Variants in HS6ST3 observed in about 807,000 individuals in gnomAD.
HS6ST3 encodes the protein heparan-sulfate 6-O-sulfotransferase 3.
In HS6ST3, 12 loss-of-function variants were observed where a neutral mutation model predicts 36.7. That is an observed-to-expected ratio of 0.33 (90% CI 0.21 to 0.53). HS6ST3 has a LOEUF of 0.53. HS6ST3 is among the 20% of genes least tolerant of loss of function. The probability of loss-of-function intolerance (pLI) is 0.95; values close to 1 mark genes in which losing one functional copy is unlikely to be tolerated. For missense variants in HS6ST3, 584 were observed against 640.9 expected, an observed-to-expected ratio of 0.91 and a Z score of 0.96; for synonymous variants, 240 against 257.5, an observed-to-expected ratio of 0.93 and a Z score of 0.65.
At chr13:96,198,791 T>C (rs896883823) in intron 1 of HS6ST3, among the ~76,000 whole-genome samples, 2 of 152,186 alleles carry the variant, frequency 1.3e-5, no homozygotes, top group Non-Finnish European at 2.9e-5. Flanking sequence ...TTCCCACATT[T>C]TTGTATCTCC....
intron 1 of HS6ST3, among the ~76,000 whole-genome samples, chr13:96,602,470 T>C (rs1471238205): frequency 1.3e-5 from 2 of 152,184 alleles, no homozygotes; most frequent in East Asian, 3.9e-4. Context: ...ACACCAGACG[T>C]CTGAGGCCTT....
At chr13:96,554,706 C>T (rs1411686694) in intron 1 of HS6ST3, among the ~76,000 whole-genome samples, 1 of 152,062 alleles carries the variant, frequency 6.6e-6, no homozygotes, top group Non-Finnish European at 1.5e-5. Context: ...ATAGTGCAGT[C>T]TCCTTTTGGT....
intron 1 of HS6ST3, among the ~76,000 whole-genome samples, chr13:96,822,313 G>A (rs191080852): frequency 2.0e-5 from 3 of 152,282 alleles, no homozygotes; most frequent in East Asian, 1.9e-4. Flanking sequence ...AAAGCAGGGC[G>A]CCTCTGAACC....
intron 1 of HS6ST3, among the ~76,000 whole-genome samples, chr13:96,599,986 T>C (rs990751479): frequency 2.6e-5 from 4 of 152,136 alleles, no homozygotes; most frequent in Non-Finnish European, 5.9e-5. Flanking sequence ...GCCAGTGTTG[T>C]CTGAGAAGAT....
chr13:96,308,877 T>C (rs755761213), intron 1 of HS6ST3, among the ~76,000 whole-genome samples: 10 of 152,120 alleles, frequency 6.6e-5, no homozygotes, highest in Non-Finnish European at 1.0e-4. Flanking sequence ...ACATGTTGAC[T>C]GAAGAGAGTT....
rs1878936825 is a variant in HS6ST3 at position 96,836,790 on chromosome 13, G to A, written c.*3592G>A. The A allele has an allele frequency of 6.6e-6, 1 of 152,188 alleles. No homozygotes were observed. Among genetic ancestry groups the A allele is most frequent in the South Asian group, 2.1e-4 (1 of 4,824 alleles). 9.4% of individuals were successfully genotyped at this position (152,188 alleles called of 1,614,324 possible). A position where few individuals can be genotyped will look rare whatever the true frequency, so the allele number is the denominator to read the frequency against. Reference sequence around the variant, plus strand: ...TTTTAACACAGAAATTCAAAATAGTGACTTAACATGGAAGCTATTTCTCTC... The same window carrying A: ...TTTTAACACAGAAATTCAAAATAGTAACTTAACATGGAAGCTATTTCTCTC... On this transcript the variant is annotated 3_prime_UTR_variant, in exon 2 of 2. Coordinates refer to ENST00000376705, the MANE Select transcript of HS6ST3 (RefSeq NM_153456.4).
intron 1 of HS6ST3, among the ~76,000 whole-genome samples, chr13:96,591,956 C>T (rs2056383852): frequency 6.6e-6 from 1 of 151,962 alleles, no homozygotes; most frequent in Admixed American, 6.6e-5. Flanking sequence ...TTGAAATCAT[C>T]AAATGGTTTT....
chr13:96,197,320 T>A (rs1414906950), intron 1 of HS6ST3, among the ~76,000 whole-genome samples: 4 of 152,138 alleles, frequency 2.6e-5, no homozygotes, highest in African/African-American at 9.7e-5. Flanking sequence ...TGGGACTTAA[T>A]CACTATCGTG....
chr13:96,163,316 G>GC (rs1269216547), intron 1 of HS6ST3, among the ~76,000 whole-genome samples: 3 of 134,518 alleles, frequency 2.2e-5, no homozygotes, highest in East Asian at 2.4e-4. Flanking sequence ...TGCAAGCTCC[G>GC]CCCCCCGGGT....
intron 1 of HS6ST3, among the ~76,000 whole-genome samples, chr13:96,519,020 T>G (rs2056083361): frequency 6.6e-6 from 1 of 152,244 alleles, no homozygotes; most frequent in South Asian, 2.1e-4. Flanking sequence ...AGAGAGTTTA[T>G]GATCCAAATA....
intron 1 of HS6ST3, among the ~76,000 whole-genome samples, chr13:96,294,122 G>T (rs777325185): frequency 4.3e-4 from 66 of 152,054 alleles, no homozygotes; most frequent in Non-Finnish European, 8.4e-4. Context: ...CTGTCTCTAG[G>T]CAAGAAAGGA....
intron 1 of HS6ST3, among the ~76,000 whole-genome samples, chr13:96,723,151 T>C (rs900894542): frequency 6.6e-6 from 1 of 152,078 alleles, no homozygotes; most frequent in Non-Finnish European, 1.5e-5. Flanking sequence ...CATGGCGACA[T>C]CTCCCAGCCT....
chr13:96,831,271 G>A (rs1878773983), intron 1 of HS6ST3, among the ~76,000 whole-genome samples: 2 of 152,150 alleles, frequency 1.3e-5, no homozygotes, highest in South Asian at 4.1e-4. Context: ...TCCATTAGGT[G>A]GAATTAGATA....
intron 1 of HS6ST3, among the ~76,000 whole-genome samples, chr13:96,251,065 T>C (rs545551819): frequency 6.6e-6 from 1 of 152,216 alleles, no homozygotes; most frequent in African/African-American, 2.4e-5. Flanking sequence ...TCTTGTAGTA[T>C]CCTCATCTGG....
chr13:96,507,618 C>T lies in HS6ST3; in HGVS notation c.708-324872C>T, dbSNP rs377098883. 1.6e-4 allele frequency among the ~76,000 whole-genome samples: 24 copies of T among 152,074 alleles called. No homozygotes were observed. The East Asian group carries it at 4.2e-3, about 27-fold the overall frequency. Reference sequence around the variant, plus strand: ...AGCCTAACAGCTCATAAGAACGGCTCCAGTCACTGCTACCATGTCCTTGCT... The same window carrying T: ...AGCCTAACAGCTCATAAGAACGGCTTCAGTCACTGCTACCATGTCCTTGCT... On this transcript the variant is annotated intron_variant, in intron 1 of 1. Coordinates refer to ENST00000376705, the MANE Select transcript of HS6ST3 (RefSeq NM_153456.4).
chr13:96,456,344 T>C (rs1306393310), intron 1 of HS6ST3, among the ~76,000 whole-genome samples: 1 of 152,138 alleles, frequency 6.6e-6, no homozygotes, highest in African/African-American at 2.4e-5. Flanking sequence ...AGAACATGCA[T>C]TTTCTATTTA....
Position 96,438,286 on chromosome 13 carries a change from G to A in HS6ST3, c.707+346717G>A, listed in dbSNP as rs560555025. Among the ~76,000 whole-genome samples, 14 of 152,230 alleles carry A rather than the reference G, an allele frequency of 9.2e-5. 2 individuals are homozygous for A. In the South Asian group the frequency reaches 2.9e-3, roughly 32 times the overall value. ...GGTATATAAAACAAGAGCATTTGAAGGTGTATTACATGCACAAATTTTAAC... is the reference window on the plus strand; with the variant it reads ...GGTATATAAAACAAGAGCATTTGAAAGTGTATTACATGCACAAATTTTAAC... On this transcript the variant is annotated intron_variant, in intron 1 of 1. Coordinates refer to ENST00000376705, the MANE Select transcript of HS6ST3 (RefSeq NM_153456.4).
At chr13:96,167,543 T>C (rs1194273009) in intron 1 of HS6ST3, among the ~76,000 whole-genome samples, 3 of 152,154 alleles carry the variant, frequency 2.0e-5, no homozygotes, top group Non-Finnish European at 2.9e-5. Context: ...AGAGGTCAGA[T>C]CATGTGCAGA....
intron 1 of HS6ST3, among the ~76,000 whole-genome samples, chr13:96,366,505 AG>A (rs963022692): frequency 1.3e-5 from 2 of 150,846 alleles, no homozygotes; most frequent in African/African-American, 2.4e-5. Flanking sequence ...GGATCATGTA[AG>A]GCCCTAGAGT....
Sources: allele counts gnomAD v4.1 joint callset (sites outside exome capture counted in the v4.1 genomes callset), GRCh38; gene constraint gnomAD v4.1.1; transcripts MANE v1.5; gene names NCBI Gene and HGNC (gene_info 2026-07-23, HGNC 2026-07-21).